UBE2H: variants seen among roughly 807,000 people sequenced by gnomAD.
UBE2H encodes ubiquitin conjugating enzyme E2 H, also known as ubiquitin-conjugating enzyme E2 H.
In UBE2H, 3 loss-of-function variants were observed where a neutral mutation model predicts 29.0. The ratio of observed to expected loss-of-function variants is 0.10; its 90% CI spans 0.05 to 0.27. The LOEUF (loss-of-function observed/expected upper bound fraction) is 0.27. Ranked by LOEUF, UBE2H falls within the 10% of genes least tolerant of loss-of-function variation. The probability of loss-of-function intolerance (pLI) is 1.00; values close to 1 mark genes in which losing one functional copy is unlikely to be tolerated. For synonymous variants in UBE2H, 69 were observed against 82.9 expected (o/e 0.83, Z 0.91); for missense variants, 68 against 228.2 (o/e 0.30, Z 4.52).
chr7:129,879,472 A>G, intron 3 of UBE2H, 96 bp downstream of exon 3: 8 of 1,157,584 alleles, frequency 6.9e-6, no homozygotes, highest in Non-Finnish European at 1.0e-5. Flanking sequence ...TCAATTAGAC[A>G]GCCATTTCTG....
chr7:129,860,714 G>GTT (rs796240053), intron 3 of UBE2H, among the ~76,000 whole-genome samples: 6 of 142,440 alleles, frequency 4.2e-5, no homozygotes, highest in Admixed American at 7.0e-5. Flanking sequence ...GCTGAGTTTT[G>GTT]TTTTTTTTTT....
chr7:129,834,971 A>T lies in UBE2H; in HGVS notation c.518T>A (p.Phe173Tyr). ...CATATCCTGGGCCTCATCTTCGGAA[A>T]AGTCAGACATAGAGCTCTCCGATGA... ...DSSSESSMSDFSEDEAQDMEL is the reference protein window; with the variant it reads ...DSSSESSMSDYSEDEAQDMEL The change falls in exon 7 of 7, where the codon TTT becomes TAT. Residue 173 changes from phenylalanine (F) to tyrosine (Y), a missense_variant. Coordinates refer to ENST00000355621, the MANE Select transcript of UBE2H (RefSeq NM_003344.4). The T allele has an allele frequency of 6.2e-7, 1 of 1,613,798 alleles. No individual in the cohort carries two copies. The highest frequency in any genetic ancestry group is 8.5e-7 in the Non-Finnish European group (1 of 1,180,016).
At chr7:129,860,269 T>C (rs997565771) in intron 3 of UBE2H, among the ~76,000 whole-genome samples, 1 of 152,206 alleles carries the variant, frequency 6.6e-6, no homozygotes, top group African/African-American at 2.4e-5. Context: ...ATGCTCTGTG[T>C]TGAAACAGCA....
chr7:129,885,750 G>C (rs2116384866), intron 1 of UBE2H, among the ~76,000 whole-genome samples: 1 of 152,304 alleles, frequency 6.6e-6, no homozygotes, highest in South Asian at 2.1e-4. Context: ...CTAACTTTAT[G>C]CTGCCTTGGA....
At chr7:129,843,787 G>A (rs754911097) in intron 5 of UBE2H, among the ~76,000 whole-genome samples, 4 of 152,136 alleles carry the variant, frequency 2.6e-5, no homozygotes, top group African/African-American at 4.8e-5. Context: ...CACAGCGAAC[G>A]GAAGGCTCCT....
intron 3 of UBE2H, among the ~76,000 whole-genome samples, chr7:129,861,387 C>T (rs890202862): frequency 1.8e-4 from 28 of 151,842 alleles, no homozygotes; most frequent in African/African-American, 5.8e-4. Context: ...GTATTTTCTC[C>T]GCTGCACTTT....
intron 1 of UBE2H, among the ~76,000 whole-genome samples, chr7:129,943,550 C>G (rs1807690891): frequency 6.6e-6 from 1 of 152,068 alleles, no homozygotes; most frequent in African/African-American, 2.4e-5. Flanking sequence ...CACCACTGCA[C>G]TCTAGCCTGG....
intron 3 of UBE2H, among the ~76,000 whole-genome samples, chr7:129,872,051 C>T (rs1401877320): frequency 6.6e-6 from 1 of 152,122 alleles, no homozygotes; most frequent in African/African-American, 2.4e-5. Context: ...CACGGGGTTT[C>T]ACCATATTGG....
chr7:129,924,519 A>T (rs1191313713), intron 1 of UBE2H, among the ~76,000 whole-genome samples: 1 of 152,092 alleles, frequency 6.6e-6, no homozygotes, highest in Non-Finnish European at 1.5e-5. Context: ...AGAGAATAAG[A>T]TTCAAAATGA....
chr7:129,880,307 G>A (rs1243724872), intron 2 of UBE2H, among the ~76,000 whole-genome samples: 2 of 152,204 alleles, frequency 1.3e-5, no homozygotes, highest in Non-Finnish European at 2.9e-5. Flanking sequence ...AGGAGTGCGA[G>A]ACCAGCCTGG....
chr7:129,858,968 C>G lies in UBE2H; in HGVS notation c.206-27G>C, dbSNP rs760240862. ...TGTAAAAAGAGATGTTAATTAGCAG[C>G]AAAAAGTATCCAGAGAACAATAAAA... is the stretch of plus-strand genomic sequence containing the variant. On this transcript the variant is annotated intron_variant, in intron 3 of 6. Coordinates refer to ENST00000355621, the MANE Select transcript of UBE2H (RefSeq NM_003344.4). 4 of 1,582,538 alleles carry G rather than the reference C, an allele frequency of 2.5e-6. No homozygotes were observed. In the East Asian group the frequency reaches 6.7e-5, roughly 27 times the overall value.
chr7:129,839,678 A>T (rs1191127741), intron 5 of UBE2H: 1 of 267,078 alleles, frequency 3.7e-6, no homozygotes, highest in Non-Finnish European at 7.1e-6. Context: ...GCTGGGTCTT[A>T]AAAGAATTGA....
intron 1 of UBE2H, among the ~76,000 whole-genome samples, chr7:129,884,591 T>A (rs945089273): frequency 6.7e-6 from 1 of 148,478 alleles, no homozygotes; most frequent in Non-Finnish European, 1.5e-5. Context: ...AACGAATTAC[T>A]ATTTTTTTTT....
chr7:129,944,954 TAAAAA>T (rs903800578), intron 1 of UBE2H, among the ~76,000 whole-genome samples: 7 of 146,574 alleles, frequency 4.8e-5, no homozygotes, highest in Non-Finnish European at 7.5e-5. Flanking sequence ...TACTCAGCAA[TAAAAA>T]AAAAATGAAC....
intron 3 of UBE2H, among the ~76,000 whole-genome samples, chr7:129,878,713 G>A (rs1328675348): frequency 1.4e-5 from 2 of 144,850 alleles, no homozygotes; most frequent in East Asian, 4.1e-4. Flanking sequence ...AAAGCCCACA[G>A]CAGTAGCAAA....
At chr7:129,865,104 TTATTA>T (rs1311803663) in intron 3 of UBE2H, 2 of 417,808 alleles carry the variant, frequency 4.8e-6, no homozygotes, top group Non-Finnish European at 9.4e-6. Flanking sequence ...TGTAAAACTA[TTATTA>T]TATATCTTAA....
intron 1 of UBE2H, among the ~76,000 whole-genome samples, chr7:129,919,100 T>TAAAAAAAACAAAAAAAAAAAAAA (rs1807102995): frequency 1.4e-5 from 1 of 72,186 alleles, no homozygotes; most frequent in Non-Finnish European, 2.4e-5. Context: ...AAAAACAAAG[T>TAAAAAAAACAAAAAAAAAAAAAA]AAAAAAAAAA....
At chr7:129,865,111 A>G (rs1223057286) in intron 3 of UBE2H, 4 of 409,492 alleles carry the variant, frequency 9.8e-6, no homozygotes, top group African/African-American at 6.3e-5. Context: ...CTATTATTAT[A>G]TATCTTAAAA....
chr7:129,876,125 A>G (rs958733721), intron 3 of UBE2H, among the ~76,000 whole-genome samples: 3 of 152,210 alleles, frequency 2.0e-5, no homozygotes, highest in African/African-American at 4.8e-5. Context: ...TAACCAGTAA[A>G]GATCTTCTGT....
Sources: allele counts gnomAD v4.1 joint callset (sites outside exome capture counted in the v4.1 genomes callset), GRCh38; gene constraint gnomAD v4.1.1; transcripts MANE v1.5; gene names NCBI Gene and HGNC (gene_info 2026-07-23, HGNC 2026-07-21).